The following KLHL1 variants were observed in gnomAD, a reference collection of about 807,000 sequenced individuals.
The protein encoded by KLHL1 is kelch like family member 1, also known as kelch-like protein 1.
Under a neutral mutation model 77.7 loss-of-function variants are expected in KLHL1, and 47 were observed. That is an observed-to-expected ratio of 0.60 (90% CI 0.48 to 0.77). KLHL1 has a LOEUF of 0.77. KLHL1 is among the 30% of genes least tolerant of loss of function. The pLI, the probability that KLHL1 is intolerant of heterozygous loss-of-function variation, is 0.00. For synonymous variants in KLHL1, 360 were observed against 325.2 expected, an observed-to-expected ratio of 1.11 and a Z score of -1.15; for missense variants, 925 against 910.8, an observed-to-expected ratio of 1.02 and a Z score of -0.20.
intron 8 of KLHL1, among the ~76,000 whole-genome samples, chr13:69,729,517 GA>G (rs11381687): frequency 6.6e-6 from 1 of 151,840 alleles, no homozygotes; most frequent in African/African-American, 2.4e-5. Context: ...AAAACAAGGG[GA>G]AAAAATCACG....
rs374054884 is a variant in KLHL1, at chr13:69,865,469, G to A, written c.1227+16814C>T. ...GGTATGTTATTTACATGTAAATGATGTGCGCATTTCAAAGTCACTGAACAT... is the reference window on the plus strand; with the variant it reads ...GGTATGTTATTTACATGTAAATGATATGCGCATTTCAAAGTCACTGAACAT... On this transcript the variant is annotated intron_variant, in intron 5 of 10. Coordinates refer to ENST00000377844, the MANE Select transcript of KLHL1 (RefSeq NM_020866.3). 2.0e-5 allele frequency among the ~76,000 whole-genome samples: 3 copies of A among 152,126 alleles called. No individual in the cohort carries two copies. The East Asian group carries it at 5.8e-4, about 29-fold the overall frequency.
At chr13:69,762,560 T>C (rs781768348) in intron 7 of KLHL1, among the ~76,000 whole-genome samples, 46 of 151,130 alleles carry the variant, frequency 3.0e-4, no homozygotes, top group Non-Finnish European at 3.8e-4. Context: ...CAGGAAAACT[T>C]TAAAACTTTG....
intron 4 of KLHL1, among the ~76,000 whole-genome samples, chr13:69,935,195 G>T (rs2138289384): frequency 1.8e-5 from 1 of 56,628 alleles, no homozygotes; most frequent in African/African-American, 6.5e-5. Context: ...GGTGAACGTG[G>T]TACATAGTTG....
chr13:70,006,259 G>GT (rs1885402284), intron 1 of KLHL1, among the ~76,000 whole-genome samples: 1 of 151,740 alleles, frequency 6.6e-6, no homozygotes, highest in East Asian at 1.9e-4. Flanking sequence ...TTATCTATTT[G>GT]CTTATAGATG....
intron 4 of KLHL1, among the ~76,000 whole-genome samples, chr13:69,925,392 C>T (rs1267190279): frequency 6.6e-6 from 1 of 151,930 alleles, no homozygotes; most frequent in East Asian, 1.9e-4. Context: ...TATAATAATC[C>T]ACTACTATAA....
rs569551004 is a variant in KLHL1 at position 70,031,887 on chromosome 13, C to T, written c.498-56085G>A. Among the ~76,000 whole-genome samples the T allele has an allele frequency of 5.3e-5, 8 of 152,006 alleles. No homozygotes were observed. The East Asian group carries it at 5.8e-4, about 11-fold the overall frequency. On this transcript the variant is annotated intron_variant, in intron 1 of 10. Transcript: ENST00000377844. ...AACAAAATGTAAACCTGACAATAGC[C>T]GGGAAAAGAGCAAGTGAACTATTAT... is the stretch of plus-strand genomic sequence containing the variant.
chr13:69,727,239 T>A (rs1873339533), intron 8 of KLHL1, among the ~76,000 whole-genome samples: 1 of 152,160 alleles, frequency 6.6e-6, no homozygotes, highest in Non-Finnish European at 1.5e-5. Context: ...ACACTATTGT[T>A]CTTAAGTACA....
intron 2 of KLHL1, among the ~76,000 whole-genome samples, chr13:69,973,330 G>A (rs1884449303): frequency 6.6e-6 from 1 of 151,710 alleles, no homozygotes; most frequent in African/African-American, 2.4e-5. Flanking sequence ...TTATTTGACA[G>A]TTTGGAATGA....
intron 2 of KLHL1, among the ~76,000 whole-genome samples, chr13:69,961,870 A>C (rs146322560): frequency 0.012 from 1,780 of 152,100 alleles, 14 homozygotes; most frequent in Non-Finnish European, 0.019. Context: ...GTATTTTTAA[A>C]TTAGAAATAT....
Position 70,050,151 on chromosome 13 carries a change from A to G in KLHL1, c.497+57052T>C, listed in dbSNP as rs184698425. Among the ~76,000 whole-genome samples the G allele has an allele frequency of 3.3e-3, 495 of 152,004 alleles. 4 individuals are homozygous for G. Among genetic ancestry groups the G allele is most frequent in the Middle Eastern group, 6.8e-3 (2 of 294 alleles). On this transcript the variant is annotated intron_variant, in intron 1 of 10. Transcript: ENST00000377844. ...CAGCCTCTAATTTTATAATATTCAT[A>G]TTAGTAATTTAATTCACTCAAAGTT... is the stretch of plus-strand genomic sequence containing the variant.
chr13:70,002,886 T>C (rs960117746), intron 1 of KLHL1, among the ~76,000 whole-genome samples: 16 of 151,632 alleles, frequency 1.1e-4, no homozygotes, highest in Non-Finnish European at 1.9e-4. Context: ...AAATTCCAGA[T>C]GTCCAAAAGG....
At position 69,839,029 on chromosome 13, in the gene KLHL1, C is replaced by T. The variant is rs1879138268; in HGVS notation, c.1361G>A (p.Arg454Lys). Residue 454 changes from arginine to lysine, a missense_variant, in exon 6 of 11, where the codon AGA becomes AAA. Physicochemically the swap from Arg to Lys is conservative, Grantham distance 26. Coordinates refer to ENST00000377844, the MANE Select transcript of KLHL1 (RefSeq NM_020866.3). ...ATACAAAGTTCCGACTGTAGATTTT[C>T]TGGGTTTAGTTCTCGGACTTTGCAT... ...TLMQSPRTKP[R>K]KSTVGTLYAV... 6.2e-7 allele frequency: 1 copy of T among 1,610,424 alleles called. No homozygotes were observed. Among genetic ancestry groups the T allele is most frequent in the Non-Finnish European group, 8.5e-7 (1 of 1,178,056 alleles).
At chr13:70,041,365 C>A (rs1227083122) in intron 1 of KLHL1, among the ~76,000 whole-genome samples, 1 of 152,128 alleles carries the variant, frequency 6.6e-6, no homozygotes, top group Admixed American at 6.5e-5. Flanking sequence ...TAATTTAAAT[C>A]TGTGCTTTAG....
chr13:69,816,332 C>T (rs1055506986), intron 6 of KLHL1, among the ~76,000 whole-genome samples: 3 of 150,926 alleles, frequency 2.0e-5, no homozygotes, highest in Non-Finnish European at 4.4e-5. Flanking sequence ...ACAATCTCGG[C>T]TCACTGAAAC....
chr13:69,743,822 CA>C (rs1188563665), intron 7 of KLHL1, among the ~76,000 whole-genome samples: 49 of 68,180 alleles, frequency 7.2e-4, no homozygotes, highest in African/African-American at 3.2e-3. Context: ...AACAAAAAAA[CA>C]GAAAAAAAAA....
intron 2 of KLHL1, among the ~76,000 whole-genome samples, chr13:69,967,536 T>A (rs968041405): frequency 6.6e-6 from 1 of 152,152 alleles, no homozygotes; most frequent in Non-Finnish European, 1.5e-5. Context: ...TGAGATGGTG[T>A]CTACTCCTGG....
chr13:69,728,120 C>A (rs1301455458), intron 8 of KLHL1, among the ~76,000 whole-genome samples: 2 of 151,474 alleles, frequency 1.3e-5, no homozygotes, highest in African/African-American at 2.4e-5. Flanking sequence ...ATTCAGTAAA[C>A]AGCAATTTCT....
intron 8 of KLHL1, among the ~76,000 whole-genome samples, chr13:69,727,314 GGTTT>G (rs1263724150): frequency 1.3e-5 from 2 of 152,048 alleles, no homozygotes; most frequent in Admixed American, 6.6e-5. Context: ...GCTAGACTTG[GGTTT>G]GTTTATCAAT....
chr13:70,026,705 TGTGTG>T lies in KLHL1; in HGVS notation c.498-50908_498-50904del, dbSNP rs1566510699. Among the ~76,000 whole-genome samples, 288 of 121,180 alleles carry T rather than the reference TGTGTG, an allele frequency of 2.4e-3. 1 individual carries two copies. The highest frequency in any genetic ancestry group is 7.7e-3 in the East Asian group (38 of 4,938). The allele number at this position is 121,180 out of a possible 152,430, so 79.5% of individuals were successfully genotyped here. A position where few individuals can be genotyped will look rare whatever the true frequency, so the allele number is the denominator to read the frequency against. On this transcript the variant is annotated intron_variant, in intron 1 of 10. Transcript: ENST00000377844. Reference sequence around the variant, plus strand: ...TTGCTGTCAATTTAAGAACTTAGGGTGTGTGTGTGTGTGTGTGTGTGTGTGTGTGT... The same window carrying T: ...TTGCTGTCAATTTAAGAACTTAGGGTTGTGTGTGTGTGTGTGTGTGTGTGT...
Sources: gnomAD v4.1 joint callset for allele counts (sites outside exome capture counted in the v4.1 genomes callset) on GRCh38, gnomAD v4.1.1 for gene constraint, MANE v1.5 for transcripts, NCBI Gene and HGNC (gene_info 2026-07-23, HGNC 2026-07-21) for gene names.